The following ADCY2 variants were observed in gnomAD, a reference collection of about 807,000 sequenced individuals.
The protein encoded by ADCY2 is adenylate cyclase 2.
Under a neutral mutation model 125.2 loss-of-function variants are expected in ADCY2, and 31 were observed. The observed-to-expected ratio is 0.25, with a 90% CI of 0.19 to 0.33. The LOEUF (loss-of-function observed/expected upper bound fraction) is 0.33, where lower values mean the gene tolerates loss of function less well. Among genes scored for constraint, ADCY2 ranks in the 10% least tolerant of loss-of-function variants. The probability of loss-of-function intolerance (pLI) is 1.00; values close to 1 mark genes in which losing one functional copy is unlikely to be tolerated. For missense variants in ADCY2, 904 were observed against 1,418.2 expected (o/e 0.64, Z 5.82); for synonymous variants, 512 against 548.4 (o/e 0.93, Z 0.93).
chr5:7,597,583 T>C (rs149805301), intron 3 of ADCY2, among the ~76,000 whole-genome samples: 1 of 152,138 alleles, frequency 6.6e-6, no homozygotes, highest in South Asian at 2.1e-4. Context: ...AAGATGAGCC[T>C]GAGCAACATG....
chr5:7,742,132 A>ACCCC (rs1742457245), intron 14 of ADCY2, among the ~76,000 whole-genome samples: 13 of 149,774 alleles, frequency 8.7e-5, no homozygotes, highest in Admixed American at 3.3e-4. Context: ...AGTGCCCAAA[A>ACCCC]AAAAAAAAAA....
chr5:7,794,908 C>T (rs1449755333), intron 20 of ADCY2: 2 of 152,136 alleles, frequency 1.3e-5, no homozygotes, highest in East Asian at 3.9e-4. Flanking sequence ...AGTGTCAGGA[C>T]CAAATACTGA....
chr5:7,644,352 C>T (rs1579270413), intron 4 of ADCY2, among the ~76,000 whole-genome samples: 2 of 152,100 alleles, frequency 1.3e-5, no homozygotes, highest in Non-Finnish European at 2.9e-5. Context: ...TGAGGCATCA[C>T]CTGGTACCAG....
chr5:7,731,737 G>C (rs1181289840), intron 14 of ADCY2, among the ~76,000 whole-genome samples: 1 of 152,052 alleles, frequency 6.6e-6, no homozygotes, highest in Non-Finnish European at 1.5e-5. Context: ...CTGAGTAGCT[G>C]AGATTACAAG....
chr5:7,665,989 C>T (rs182362017), intron 4 of ADCY2, among the ~76,000 whole-genome samples: 41,037 of 149,210 alleles, frequency 0.28, 5,952 homozygotes, highest in Admixed American at 0.44. Context: ...CAGGCACCCG[C>T]CACTATGCCC....
chr5:7,513,106 C>CAGAGAGAGAG (rs1554015691), intron 2 of ADCY2, among the ~76,000 whole-genome samples: 1 of 138,432 alleles, frequency 7.2e-6, no homozygotes, highest in Non-Finnish European at 1.6e-5. Flanking sequence ...CACACACACA[C>CAGAGAGAGAG]AGAGAGAGAG....
chr5:7,820,777 A>G (rs1745272469), intron 24 of ADCY2, 88 bp downstream of exon 24: 3 of 1,398,418 alleles, frequency 2.1e-6, no homozygotes, highest in Non-Finnish European at 2.8e-6. Context: ...ATACTAATAT[A>G]TTAAAACAAA....
chr5:7,661,871 A>G (rs1739547651), intron 4 of ADCY2, among the ~76,000 whole-genome samples: 1 of 150,044 alleles, frequency 6.7e-6, no homozygotes, highest in Non-Finnish European at 1.5e-5. Flanking sequence ...GAGAGTGTTT[A>G]GAGTGTTTTT....
chr5:7,756,245 A>T (rs1488312569), intron 15 of ADCY2, among the ~76,000 whole-genome samples: 1 of 152,222 alleles, frequency 6.6e-6, no homozygotes, highest in Non-Finnish European at 1.5e-5. Context: ...CTGGGAGAAT[A>T]TGGTGAGAAT....
chr5:7,724,913 T>G (rs1475354154), intron 13 of ADCY2, among the ~76,000 whole-genome samples: 2 of 152,204 alleles, frequency 1.3e-5, no homozygotes, highest in Non-Finnish European at 2.9e-5. Context: ...CTCTTCTCAA[T>G]GTGAAATTCT....
At chr5:7,488,765 G>T (rs749918845) in intron 2 of ADCY2, among the ~76,000 whole-genome samples, 1 of 152,004 alleles carries the variant, frequency 6.6e-6, no homozygotes, top group East Asian at 1.9e-4. Context: ...GAGCATTCTC[G>T]CCCCTAGATC....
rs16878785 is a variant in ADCY2, at chr5:7,551,912, A to G, written c.570+31013A>G. ...TAAACCTTGTCTAAACTTATGCCCA[A>G]TATCTTTTTTCTGTATGTATATGCC... On this transcript the variant is annotated intron_variant, in intron 3 of 24. Transcript: ENST00000338316. Among the ~76,000 whole-genome samples the G allele has an allele frequency of 7.5e-3, 1,135 of 152,288 alleles. 14 individuals are homozygous for G. Among genetic ancestry groups the G allele is most frequent in the African/African-American group, 0.026 (1,069 of 41,560 alleles).
intron 3 of ADCY2, among the ~76,000 whole-genome samples, chr5:7,575,245 A>G (rs1736210475): frequency 6.6e-6 from 1 of 152,194 alleles, no homozygotes; most frequent in Non-Finnish European, 1.5e-5. Flanking sequence ...ATGCACATTG[A>G]AATAAGATCA....
chr5:7,708,917 G>C (rs2126357460), intron 9 of ADCY2, among the ~76,000 whole-genome samples: 1 of 152,176 alleles, frequency 6.6e-6, no homozygotes, highest in Middle Eastern at 3.4e-3. Context: ...TCAAGAAAAA[G>C]CTAAACAGAT....
chr5:7,586,093 G>T (rs188695552), intron 3 of ADCY2, among the ~76,000 whole-genome samples: 12 of 152,128 alleles, frequency 7.9e-5, no homozygotes, highest in Admixed American at 7.9e-4. Context: ...TTGTATTCTA[G>T]TAACTGGTAA....
chr5:7,615,755 G>A (rs1737734211), intron 3 of ADCY2, among the ~76,000 whole-genome samples: 2 of 152,150 alleles, frequency 1.3e-5, no homozygotes, highest in Admixed American at 1.3e-4. Flanking sequence ...ATTAGATCAT[G>A]CAGCATTCCT....
At chr5:7,426,703 T>G (rs955125055) in intron 2 of ADCY2, among the ~76,000 whole-genome samples, 5 of 152,180 alleles carry the variant, frequency 3.3e-5, no homozygotes, top group Non-Finnish European at 7.3e-5. Flanking sequence ...ACCATAAGCA[T>G]GCAGATGTTG....
intron 2 of ADCY2, among the ~76,000 whole-genome samples, chr5:7,512,803 G>A: frequency 6.6e-6 from 1 of 152,182 alleles, no homozygotes; most frequent in Admixed American, 6.5e-5. Flanking sequence ...GAAGCCTGGG[G>A]AAGCCAGAGT....
chr5:7,747,424 G>A (rs1374340308), intron 15 of ADCY2, among the ~76,000 whole-genome samples: 6 of 151,948 alleles, frequency 3.9e-5, no homozygotes, highest in South Asian at 2.1e-4. Context: ...CCTCTCATCC[G>A]GCTCTGGTTA....
Sources: allele counts gnomAD v4.1 joint callset (sites outside exome capture counted in the v4.1 genomes callset), GRCh38; gene constraint gnomAD v4.1.1; transcripts MANE v1.5; gene names NCBI Gene and HGNC (gene_info 2026-07-23, HGNC 2026-07-21).